RFPL4A: variants seen among roughly 807,000 people sequenced by gnomAD.
RFPL4A encodes the protein ret finger protein-like 4A.
A neutral mutation model predicts 8.3 loss-of-function variants in RFPL4A; 4 were observed. The ratio of observed to expected loss-of-function variants is 0.48; its 90% CI spans 0.24 to 1.10. The LOEUF is 1.10. Ranked by LOEUF, RFPL4A falls within the 50% of genes least tolerant of loss-of-function variation. RFPL4A has a pLI of 0.18. For missense variants in RFPL4A, 111 were observed against 358.7 expected, an observed-to-expected ratio of 0.31 and a Z score of 5.58; for synonymous variants, 43 against 136.6, an observed-to-expected ratio of 0.31 and a Z score of 4.78.
At chr19:55,759,599 G>C (rs993240543) in intron 1 of RFPL4A, among the ~76,000 whole-genome samples, 37 of 151,720 alleles carry the variant, frequency 2.4e-4, no homozygotes, top group African/African-American at 8.3e-4. Flanking sequence ...AGAAAGGGAA[G>C]GAAATGAAAA....
rs200637385 is a variant in RFPL4A, at chr19:55,759,546, A to ATT, written c.-10+380_-10+381dup. Reference sequence around the variant, plus strand: ...ACCATCATTCTTCTCTTATTTTCTGATTTTTTTTTTGTTCAGTTTTTTGTT... The same window carrying ATT: ...ACCATCATTCTTCTCTTATTTTCTGATTTTTTTTTTTTGTTCAGTTTTTTGTT... On this transcript the variant is annotated intron_variant, in intron 1 of 2. Transcript: ENST00000434937. 2.3e-3 allele frequency among the ~76,000 whole-genome samples: 330 copies of ATT among 144,226 alleles called. 4 individuals carry two copies. The highest frequency in any genetic ancestry group is 8.2e-3 in the African/African-American group (319 of 38,870). The allele number at this position is 144,226 out of a possible 152,430, so 94.6% of individuals were successfully genotyped here.
chr19:55,762,098 A>G lies in RFPL4A; in HGVS notation c.286+12A>G, dbSNP rs772473069. 40 of 1,510,930 alleles carry G rather than the reference A, an allele frequency of 2.6e-5. No homozygotes were observed. The Admixed American group carries it at 4.5e-4, about 17-fold the overall frequency. The allele number at this position is 1,510,930 out of a possible 1,614,324, so 93.6% of individuals were successfully genotyped here. ...GAGGAAGTTTCAAGGTAAGGAATCT[A>G]TAGGACCTGCCACAACCCATAAAAG... On this transcript the variant is annotated intron_variant, in intron 2 of 2. Coordinates refer to ENST00000434937, the MANE Select transcript of RFPL4A (RefSeq NM_001145014.2).
upstream of RFPL4A, among the ~76,000 whole-genome samples, chr19:55,757,301 C>T (rs1010028197): frequency 2.0e-5 from 3 of 151,760 alleles, no homozygotes; most frequent in Non-Finnish European, 4.4e-5. Flanking sequence ...TGCAGCAAGC[C>T]CACATGGCAC....
In RFPL4A at chr19:55,761,074, T is replaced by C. The variant is rs1174621459; in HGVS notation, c.-9-718T>C. Among the ~76,000 whole-genome samples, 7 of 134,168 alleles carry C rather than the reference T, an allele frequency of 5.2e-5. 2 individuals are homozygous for C. Among genetic ancestry groups the C allele is most frequent in the Non-Finnish European group, 1.2e-4 (7 of 60,684 alleles). The allele number at this position is 134,168 out of a possible 152,430, so 88.0% of individuals were successfully genotyped here. A position where few individuals can be genotyped will look rare whatever the true frequency, so the allele number is the denominator to read the frequency against. ...GGCTGCTTGTTTGTTTTTCATTAGT[T>C]CTGGTTTTTCCTTTTTTTTTTTTTT... On this transcript the variant is annotated intron_variant, in intron 1 of 2. Coordinates refer to ENST00000434937, the MANE Select transcript of RFPL4A (RefSeq NM_001145014.2).
At position 55,762,874 on chromosome 19, in the gene RFPL4A, C is replaced by T. The variant is rs1408440994; in HGVS notation, c.563C>T (p.Thr188Ile). 1.5e-5 allele frequency: 23 copies of T among 1,528,480 alleles called. No individual in the cohort carries two copies. Among genetic ancestry groups the T allele is most frequent in the Non-Finnish European group, 2.0e-5 (23 of 1,129,912 alleles). The allele number at this position is 1,528,480 out of a possible 1,614,324, so 94.7% of individuals were successfully genotyped here. A position where few individuals can be genotyped will look rare whatever the true frequency, so the allele number is the denominator to read the frequency against. The change falls in exon 3 of 3, where the codon ACT (threonine) becomes ATT (isoleucine). Residue 188 changes from threonine (T) to isoleucine (I), a missense_variant. Coordinates refer to ENST00000434937, the MANE Select transcript of RFPL4A (RefSeq NM_001145014.2). ...CTTTCTTCAGAACACGGCTTCTTGA[C>T]TGTGGGTTGCAGAGAAGGAAAGGTC... ...IVLSSEHGFL[T>I]VGCREGKVFA... is the part of the protein sequence containing the mutation.
upstream of RFPL4A, among the ~76,000 whole-genome samples, chr19:55,757,386 G>C (rs1054289901): frequency 2.6e-5 from 4 of 151,562 alleles, no homozygotes; most frequent in Non-Finnish European, 4.4e-5. Flanking sequence ...AAAAAAAAAA[G>C]AAAAGTTTGC....
Position 55,762,021 on chromosome 19 carries a change from T to G in RFPL4A, c.221T>G (p.Ile74Ser), listed in dbSNP as rs1439558320. 5 of 1,506,712 alleles carry G rather than the reference T, an allele frequency of 3.3e-6. No homozygotes were observed. The Admixed American group carries it at 1.0e-4, about 30-fold the overall frequency. 93.3% of individuals were successfully genotyped at this position (1,506,712 alleles called of 1,614,324 possible). The change falls in exon 2 of 3, where the codon ATC (isoleucine) becomes AGC (serine). Residue 74 changes from isoleucine (I) to serine (S), a missense_variant. Transcript: ENST00000434937. ...KYKLRALVSI[I>S]KELEPKLKSV... The stretch of plus-strand genomic sequence containing the variant: ...AAGCTGAGGGCGCTGGTTTCCATCA[T>G]CAAGGAACTAGAGCCCAAGCTGAAA...
intron 1 of RFPL4A, among the ~76,000 whole-genome samples, chr19:55,760,538 A>G (rs1989260476): frequency 6.6e-6 from 1 of 151,598 alleles, no homozygotes; most frequent in Admixed American, 6.6e-5. Flanking sequence ...TTTTCTAGGA[A>G]AAAGCAGAGA....
intron 1 of RFPL4A, among the ~76,000 whole-genome samples, chr19:55,760,223 A>G (rs1047651967): frequency 1.3e-5 from 2 of 151,508 alleles, no homozygotes; most frequent in Non-Finnish European, 2.9e-5. Context: ...CTTTTTGATC[A>G]TAGCCATCCT....
chr19:55,763,155 G>C lies in RFPL4A; in HGVS notation c.844G>C (p.Val282Leu). 1 of 1,536,598 alleles carries C rather than the reference G, an allele frequency of 6.5e-7. No individual in the cohort carries two copies. Among genetic ancestry groups the C allele is most frequent in the Non-Finnish European group, 8.7e-7 (1 of 1,144,240 alleles). ...CAATCCATCCGCTGCCAGTGCCCCA[G>C]TTTCTTCTGAGGGAAAGTAAATAAA... is the stretch of plus-strand genomic sequence containing the variant. ...VINPSAASAP[V>L]SSEGK Residue 282 changes from valine (V) to leucine (L), a missense_variant, in exon 3 of 3, where the codon GTT (valine) becomes CTT (leucine). Coordinates refer to ENST00000434937, the MANE Select transcript of RFPL4A (RefSeq NM_001145014.2).
At chr19:55,761,299 G>A (rs1186862122) in intron 1 of RFPL4A, among the ~76,000 whole-genome samples, 1 of 137,748 alleles carries the variant, frequency 7.3e-6, no homozygotes, top group Non-Finnish European at 1.6e-5. Context: ...GTTTCTGGTA[G>A]TCACATAAAA....
Position 55,760,030 on chromosome 19 carries a change from T to C in RFPL4A, c.-10+855T>C, listed in dbSNP as rs1185868173. Among the ~76,000 whole-genome samples, 2 of 151,696 alleles carry C rather than the reference T, an allele frequency of 1.3e-5. 1 individual carries two copies. Among genetic ancestry groups the C allele is most frequent in the East Asian group, 3.9e-4 (2 of 5,088 alleles). ...TAAGAGTGCAGATGTCTCTTTGACA[T>C]GCTGACTTCTTTCTTTCACGTAGAA... On this transcript the variant is annotated intron_variant, in intron 1 of 2. Coordinates refer to ENST00000434937, the MANE Select transcript of RFPL4A (RefSeq NM_001145014.2).
intron 1 of RFPL4A, among the ~76,000 whole-genome samples, chr19:55,760,308 C>A (rs10416288): frequency 0.3 from 45,661 of 151,018 alleles, 7,355 homozygotes; most frequent in Non-Finnish European, 0.35. Context: ...GCCAGAGAGA[C>A]CCCAGTCCCA....
At chr19:55,760,258 C>T (rs1010696859) in intron 1 of RFPL4A, among the ~76,000 whole-genome samples, 1 of 151,498 alleles carries the variant, frequency 6.6e-6, no homozygotes, top group Non-Finnish European at 1.5e-5. Flanking sequence ...AATATCTCAT[C>T]GCGGTTTTGT....
rs1989292631 is a variant in RFPL4A, at chr19:55,761,929, T to C, written c.129T>C (p.Asp43=). The C allele has an allele frequency of 6.6e-7, 1 of 1,512,456 alleles. No homozygotes were observed. The highest frequency in any genetic ancestry group is 9.0e-7 in the Non-Finnish European group (1 of 1,117,196). 93.7% of individuals were successfully genotyped at this position (1,512,456 alleles called of 1,614,324 possible). The change falls in exon 2 of 3, where the codon GAT becomes GAC. Residue 43 remains aspartate (D), a synonymous_variant. Transcript: ENST00000434937. ...TCAATTCACTCCAGAAGGAGCCCGATGGGGAAGGTTTACTGTGCCGTTTCT... is the reference window on the plus strand; with the variant it reads ...TCAATTCACTCCAGAAGGAGCCCGACGGGGAAGGTTTACTGTGCCGTTTCT... The part of the protein sequence containing the change: ...QCLNSLQKEP[D]GEGLLCRFCS...
chr19:55,759,266 G>C (rs1159120956), intron 1 of RFPL4A, 91 bp downstream of exon 1: 3 of 152,140 alleles, frequency 2.0e-5, no homozygotes, highest in African/African-American at 7.3e-5. Flanking sequence ...AGTGTTGTCT[G>C]AGGCCAAGGC....
upstream of RFPL4A, among the ~76,000 whole-genome samples, chr19:55,757,881 G>T (rs549324023): frequency 6.6e-6 from 1 of 151,742 alleles, no homozygotes; most frequent in Admixed American, 6.6e-5. Flanking sequence ...CAGAAATTTC[G>T]TTCAAGCTTT....
intron 1 of RFPL4A, among the ~76,000 whole-genome samples, chr19:55,760,936 T>C (rs1270624134): frequency 6.6e-6 from 1 of 150,956 alleles, no homozygotes; most frequent in African/African-American, 2.4e-5. Flanking sequence ...GAGAAATATC[T>C]ATTCAGGATT....
intron 1 of RFPL4A, among the ~76,000 whole-genome samples, chr19:55,760,068 G>A (rs1989251620): frequency 6.6e-6 from 1 of 151,596 alleles, no homozygotes; most frequent in African/African-American, 2.4e-5. Context: ...ACGGAAGTAG[G>A]GTTGCTGGAA....
Sources: allele counts gnomAD v4.1 joint callset (sites outside exome capture counted in the v4.1 genomes callset), GRCh38; gene constraint gnomAD v4.1.1; transcripts MANE v1.5; gene names NCBI Gene and HGNC (gene_info 2026-07-23, HGNC 2026-07-21).